Variants in MRTFA observed in about 807,000 individuals in gnomAD.
MRTFA encodes myocardin related transcription factor A, also known as myocardin-related transcription factor A.
Under a neutral mutation model 83.5 loss-of-function variants are expected in MRTFA, and 20 were observed. That is an observed-to-expected ratio of 0.24 (90% CI 0.17 to 0.35). The LOEUF is 0.35. Ranked by LOEUF, MRTFA falls within the 10% of genes least tolerant of loss-of-function variation. MRTFA has a pLI of 1.00. For synonymous variants in MRTFA, 659 were observed against 541.2 expected, an observed-to-expected ratio of 1.22 and a Z score of -3.02; for missense variants, 1,200 against 1,224.7, an observed-to-expected ratio of 0.98 and a Z score of 0.30.
At chr22:40,549,449 A>G (rs1277547336) in intron 3 of MRTFA, among the ~76,000 whole-genome samples, 1 of 152,208 alleles carries the variant, frequency 6.6e-6, no homozygotes, top group Non-Finnish European at 1.5e-5. Context: ...TTCAAAAACA[A>G]AAAGAAACCA....
intron 3 of MRTFA, among the ~76,000 whole-genome samples, chr22:40,464,146 C>CA (rs1473948714): frequency 6.6e-6 from 1 of 151,268 alleles, no homozygotes; most frequent in African/African-American, 2.4e-5. Flanking sequence ...ACTAAAAATA[C>CA]AAAAATTAGT....
chr22:40,420,978 C>A lies in MRTFA; in HGVS notation c.1050G>T (p.Arg350Ser). Residue 350 changes from arginine to serine, a missense_variant, in exon 10 of 15, where the codon AGG (arginine) becomes AGT (serine). Transcript: ENST00000355630. ...AGGATGAGTCCATGGGGGGTGCCCC[C>A]CTGTCCTGCTTCTGGTCCGGGGGGA... The A allele has an allele frequency of 6.2e-7, 1 of 1,611,116 alleles. No individual in the cohort carries two copies.
chr22:40,517,531 A>T (rs2054781759), intron 3 of MRTFA, among the ~76,000 whole-genome samples: 1 of 152,204 alleles, frequency 6.6e-6, no homozygotes, highest in South Asian at 2.1e-4. Flanking sequence ...ATGGGATAAG[A>T]GCACCCATCT....
At chr22:40,488,188 T>C (rs948811895) in intron 3 of MRTFA, among the ~76,000 whole-genome samples, 1 of 152,202 alleles carries the variant, frequency 6.6e-6, no homozygotes, top group African/African-American at 2.4e-5. Flanking sequence ...ATAAGCTATC[T>C]GAAGGCCTTC....
At chr22:40,618,292 G>A (rs1224641109) in intron 1 of MRTFA, among the ~76,000 whole-genome samples, 5 of 142,726 alleles carry the variant, frequency 3.5e-5, no homozygotes, top group Non-Finnish European at 7.5e-5. Flanking sequence ...GGGTTTCACC[G>A]TGTTAGCCAG....
chr22:40,418,748 GC>G lies in MRTFA; in HGVS notation c.1989del (p.Gln663HisfsTer13). On this transcript the variant is annotated frameshift_variant, in exon 12 of 15. Coordinates refer to ENST00000355630, the MANE Select transcript of MRTFA (RefSeq NM_020831.6). LOFTEE classifies it high-confidence loss of function. ...CCGAGGGGGGCGGGGGCGGGGGCGGGCTGCTGGGCTCGCTTCTCCTGCTCCA... is the reference window on the plus strand; with the variant it reads ...CCGAGGGGGGCGGGGGCGGGGGCGGGTGCTGGGCTCGCTTCTCCTGCTCCA... 6.7e-7 allele frequency: 1 copy of G among 1,482,440 alleles called. No individual in the cohort carries two copies. Among genetic ancestry groups the G allele is most frequent in the Non-Finnish European group, 9.0e-7 (1 of 1,114,106 alleles). 91.8% of individuals were successfully genotyped at this position (1,482,440 alleles called of 1,614,324 possible).
chr22:40,473,483 C>T lies in MRTFA; in HGVS notation c.242-10197G>A, dbSNP rs145827473. ...CAATATTAACTGTTAAAAGTAGTTT[C>T]GGATGGTATTTCCTTACTCTAAGTT... On this transcript the variant is annotated intron_variant, in intron 3 of 14. Transcript: ENST00000355630. 9.4e-3 allele frequency among the ~76,000 whole-genome samples: 1,433 copies of T among 152,212 alleles called. 15 individuals carry two copies. Among genetic ancestry groups the T allele is most frequent in the South Asian group, 0.023 (113 of 4,824 alleles).
At chr22:40,586,775 C>T in intron 2 of MRTFA, 1 of 328,234 alleles carries the variant, frequency 3.0e-6, no homozygotes, top group Non-Finnish European at 5.9e-6. Flanking sequence ...AGCTGCTGCC[C>T]TTTTTCCCAC....
At chr22:40,463,940 C>T (rs550254236) in intron 3 of MRTFA, among the ~76,000 whole-genome samples, 22 of 152,142 alleles carry the variant, frequency 1.4e-4, no homozygotes, top group African/African-American at 5.3e-4. Flanking sequence ...ATGGGTGTTT[C>T]TCTTATTTTC....
In MRTFA at chr22:40,411,537, G is replaced by C; in HGVS notation, c.2949C>G (p.Gly983=). ...CCAGCCAGTCCATGCTGTCCAGGTG[G>C]CCATCAGCCAGGTCCAGGCCCATGG... is the stretch of plus-strand genomic sequence containing the variant. Residue 983 remains glycine (G), a synonymous_variant, in exon 15 of 15, where the codon GGC becomes GGG. Coordinates refer to ENST00000355630, the MANE Select transcript of MRTFA (RefSeq NM_020831.6). 1 of 1,613,406 alleles carries C rather than the reference G, an allele frequency of 6.2e-7. No individual in the cohort carries two copies. The highest frequency in any genetic ancestry group is 8.5e-7 in the Non-Finnish European group (1 of 1,179,626).
chr22:40,459,818 C>CATATAT (rs1489036402), intron 4 of MRTFA, among the ~76,000 whole-genome samples: 88 of 90,120 alleles, frequency 9.8e-4, no homozygotes, highest in African/African-American at 2.6e-3. Flanking sequence ...CACACACACA[C>CATATAT]ACACATATAT....
chr22:40,629,236 G>A (rs906884562), intron 1 of MRTFA, among the ~76,000 whole-genome samples: 5 of 151,838 alleles, frequency 3.3e-5, no homozygotes, highest in Non-Finnish European at 5.9e-5. Flanking sequence ...TTGAAGTCAG[G>A]AGTTTGAGAC....
At chr22:40,562,216 C>CA (rs35542557) in intron 2 of MRTFA, among the ~76,000 whole-genome samples, 1,547 of 106,438 alleles carry the variant, frequency 0.015, 33 homozygotes, top group Middle Eastern at 0.082. Context: ...GACTCCATCT[C>CA]AAAAAAAAAA....
rs2052686209 is a variant in MRTFA, at chr22:40,416,663, A to G, written c.2578+323T>C. ...ATTTTTGTCCTAAGGCTCCTCTCGG[A>G]TCTTCCATATGATCTGCTTATTTCT... On this transcript the variant is annotated intron_variant, in intron 14 of 14. Coordinates refer to ENST00000355630, the MANE Select transcript of MRTFA (RefSeq NM_020831.6). This position sits in a 1 kb window ranked among gnomAD's most constrained non-coding sequence, Gnocchi z 4.2. Among the ~76,000 whole-genome samples the G allele has an allele frequency of 1.3e-5, 2 of 152,148 alleles. No individual in the cohort carries two copies. Among genetic ancestry groups the G allele is most frequent in the Non-Finnish European group, 2.9e-5 (2 of 68,022 alleles).
At chr22:40,453,266 C>T (rs1347165402) in intron 4 of MRTFA, among the ~76,000 whole-genome samples, 1 of 152,128 alleles carries the variant, frequency 6.6e-6, no homozygotes, top group African/African-American at 2.4e-5. Context: ...GTAGTGAGGA[C>T]ACATCATCTC....
chr22:40,493,864 CTT>C (rs2054308795), intron 3 of MRTFA, among the ~76,000 whole-genome samples: 1 of 152,178 alleles, frequency 6.6e-6, no homozygotes, highest in Non-Finnish European at 1.5e-5. Context: ...TGTACATTGT[CTT>C]TGGATAATAG....
chr22:40,448,033 TG>T (rs1569270467), intron 4 of MRTFA, among the ~76,000 whole-genome samples: 1 of 152,182 alleles, frequency 6.6e-6, no homozygotes, highest in Non-Finnish European at 1.5e-5. Flanking sequence ...TAGCTGGGGC[TG>T]GGCGTGGTGG....
chr22:40,419,663 C>T (rs2052784157), intron 11 of MRTFA, among the ~76,000 whole-genome samples: 1 of 152,230 alleles, frequency 6.6e-6, no homozygotes, highest in African/African-American at 2.4e-5. Context: ...GCCCCCAGCC[C>T]CCAGCATGGT....
At chr22:40,499,134 C>G (rs909972219) in intron 3 of MRTFA, among the ~76,000 whole-genome samples, 2 of 152,202 alleles carry the variant, frequency 1.3e-5, no homozygotes, top group Non-Finnish European at 2.9e-5. Context: ...AAATTCACAT[C>G]TTAGTGAATT....
Sources: gnomAD v4.1 joint callset for allele counts (sites outside exome capture counted in the v4.1 genomes callset) on GRCh38, gnomAD v4.1.1 for gene constraint, Gnocchi (gnomAD v3.1) non-coding constraint, MANE v1.5 for transcripts, NCBI Gene and HGNC (gene_info 2026-07-23, HGNC 2026-07-21) for gene names.